ADGRB3: variants seen among roughly 807,000 people sequenced by gnomAD.
ADGRB3 encodes adhesion G protein-coupled receptor B3, also known as brain-specific angiogenesis inhibitor 3.
Under a neutral mutation model 193.4 loss-of-function variants are expected in ADGRB3, and 37 were observed. The observed-to-expected ratio is 0.19, with a 90% CI of 0.15 to 0.25. The LOEUF (loss-of-function observed/expected upper bound fraction) is 0.25, where lower values mean the gene tolerates loss of function less well. ADGRB3 is among the 10% of genes least tolerant of loss of function. The pLI is 1.00. For missense variants in ADGRB3, 1,637 were observed against 1,852.9 expected, an observed-to-expected ratio of 0.88 and a Z score of 2.14; for synonymous variants, 690 against 644.2, an observed-to-expected ratio of 1.07 and a Z score of -1.08.
At chr6:68,872,103 A>G (rs1385823123) in intron 3 of ADGRB3, among the ~76,000 whole-genome samples, 1 of 152,168 alleles carries the variant, frequency 6.6e-6, no homozygotes, top group Non-Finnish European at 1.5e-5. Context: ...ACAGACATGT[A>G]AGACTTTGAG....
At chr6:69,172,438 TC>T (rs1775295204) in intron 17 of ADGRB3, among the ~76,000 whole-genome samples, 1 of 151,040 alleles carries the variant, frequency 6.6e-6, no homozygotes, top group Non-Finnish European at 1.5e-5. Context: ...GGTCAGGAGA[TC>T]AAGACCATAC....
intron 3 of ADGRB3, among the ~76,000 whole-genome samples, chr6:68,764,345 T>TA: frequency 6.6e-6 from 1 of 152,156 alleles, no homozygotes; most frequent in East Asian, 1.9e-4. Flanking sequence ...ATGACTACTA[T>TA]AAAAAATGAA....
intron 26 of ADGRB3, among the ~76,000 whole-genome samples, chr6:69,346,487 A>G (rs1337807628): frequency 1.3e-5 from 2 of 152,218 alleles, no homozygotes; most frequent in East Asian, 3.9e-4. Flanking sequence ...CAGAATCTAC[A>G]AGGAACTTAA....
rs1238026413 is a variant in ADGRB3, at chr6:69,303,359, C to A, written c.2815-21513C>A. On this transcript the variant is annotated intron_variant, in intron 20 of 31. Coordinates refer to ENST00000370598, the MANE Select transcript of ADGRB3 (RefSeq NM_001704.3). The stretch of plus-strand genomic sequence containing the variant: ...ACACCGAGTGTGCCTGCCTCTCCTG[C>A]CTCTCCTTCCACCTCGTCTGCCTCT... Among the ~76,000 whole-genome samples, 4 of 151,838 alleles carry A rather than the reference C, an allele frequency of 2.6e-5. No individual in the cohort carries two copies. The East Asian group carries it at 7.8e-4, about 30-fold the overall frequency.
intron 17 of ADGRB3, among the ~76,000 whole-genome samples, chr6:69,173,103 T>A (rs1471918084): frequency 6.6e-6 from 1 of 152,238 alleles, no homozygotes; most frequent in African/African-American, 2.4e-5. Flanking sequence ...AGTGGTGTGA[T>A]GTCGGCTCAC....
intron 21 of ADGRB3, 108 bp downstream of exon 21, chr6:69,325,130 TC>T (rs1270886088): frequency 7.3e-7 from 1 of 1,364,374 alleles, no homozygotes; most frequent in Non-Finnish European, 9.9e-7. Flanking sequence ...TCTAATTTAA[TC>T]TATGGAAGTG....
At chr6:69,150,348 C>G (rs1774637072) in intron 17 of ADGRB3, among the ~76,000 whole-genome samples, 1 of 152,196 alleles carries the variant, frequency 6.6e-6, no homozygotes, top group Admixed American at 6.5e-5. Context: ...TCTTCCCTCT[C>G]TCTTTTAACA....
intron 3 of ADGRB3, among the ~76,000 whole-genome samples, chr6:68,648,534 C>T (rs2127279470): frequency 6.7e-6 from 1 of 148,494 alleles, no homozygotes; most frequent in African/African-American, 2.5e-5. Flanking sequence ...CTGATGGATC[C>T]AGATTGCAAT....
chr6:68,994,343 A>G (rs1769325406), intron 11 of ADGRB3, among the ~76,000 whole-genome samples: 1 of 152,228 alleles, frequency 6.6e-6, no homozygotes, highest in Non-Finnish European at 1.5e-5. Context: ...CATTAACTGT[A>G]ACATGCAAAA....
At chr6:69,337,495 G>T (rs1023452174) in intron 24 of ADGRB3, among the ~76,000 whole-genome samples, 1 of 152,200 alleles carries the variant, frequency 6.6e-6, no homozygotes, top group East Asian at 1.9e-4. Flanking sequence ...CCACTGTGGA[G>T]AATACTAGGC....
intron 17 of ADGRB3, among the ~76,000 whole-genome samples, chr6:69,218,057 A>C (rs1425041224): frequency 1.7e-4 from 23 of 138,676 alleles, no homozygotes; most frequent in African/African-American, 5.9e-4. Flanking sequence ...AAAAGCCTTA[A>C]CTCCAGCTGA....
chr6:68,689,085 G>A (rs909429370), intron 3 of ADGRB3, among the ~76,000 whole-genome samples: 1 of 152,106 alleles, frequency 6.6e-6, no homozygotes, highest in South Asian at 2.1e-4. Flanking sequence ...TAAGGATAAG[G>A]ACCTTTTACA....
In ADGRB3 at chr6:68,822,460, C is replaced by T. The variant is rs1195308849; in HGVS notation, c.758-108099C>T. 2.0e-5 allele frequency among the ~76,000 whole-genome samples: 3 copies of T among 151,866 alleles called. No homozygotes were observed. The East Asian group carries it at 5.8e-4, about 29-fold the overall frequency. ...CTCATATTTTGTTCCACTTGAAATA[C>T]CTATTATTTTATATATTTGAGATGC... On this transcript the variant is annotated intron_variant, in intron 3 of 31. Transcript: ENST00000370598.
At chr6:68,693,900 T>A (rs1365251149) in intron 3 of ADGRB3, among the ~76,000 whole-genome samples, 1 of 152,046 alleles carries the variant, frequency 6.6e-6, no homozygotes, top group African/African-American at 2.4e-5. Flanking sequence ...ACCAGTTAAC[T>A]GGACCATGGC....
Position 69,018,478 on chromosome 6 carries a change from T to C in ADGRB3, c.2086T>C (p.Tyr696His). The change falls in exon 13 of 32, where the codon TAC becomes CAC. Residue 696 changes from tyrosine (Y) to histidine (H), a missense_variant. This residue lies in a region of ADGRB3 where 641 missense variants were observed against 673.9 expected (regional missense o/e 0.95). Transcript: ENST00000370598. ...GGGGATGATGGACTTTCAGAATTCA[T>C]ACTTAATGACTGGAAATGTAGGTAA... The part of the protein sequence containing the change: ...GMGMMDFQNS[Y>H]LMTGNVVASI... 6.2e-7 allele frequency: 1 copy of C among 1,604,856 alleles called. No homozygotes were observed. Among genetic ancestry groups the C allele is most frequent in the Middle Eastern group, 1.7e-4 (1 of 6,020 alleles).
At chr6:68,885,049 A>G (rs546237361) in intron 3 of ADGRB3, among the ~76,000 whole-genome samples, 1 of 152,284 alleles carries the variant, frequency 6.6e-6, no homozygotes, top group African/African-American at 2.4e-5. Context: ...ACAATAATAA[A>G]CTATAATAAG....
chr6:69,171,842 A>G (rs891581592), intron 17 of ADGRB3, among the ~76,000 whole-genome samples: 6 of 152,160 alleles, frequency 3.9e-5, no homozygotes, highest in Non-Finnish European at 7.3e-5. Context: ...CCCAATATCA[A>G]TTTTTTTCTT....
intron 17 of ADGRB3, among the ~76,000 whole-genome samples, chr6:69,178,048 C>G (rs1317053158): frequency 2.0e-5 from 3 of 152,148 alleles, no homozygotes; most frequent in African/African-American, 7.2e-5. Context: ...TTGAAGTCCC[C>G]TGCTGTTATT....
intron 29 of ADGRB3, among the ~76,000 whole-genome samples, chr6:69,370,802 A>G (rs1769691619): frequency 6.6e-6 from 1 of 151,976 alleles, no homozygotes; most frequent in South Asian, 2.1e-4. Flanking sequence ...TGCTTAATGT[A>G]TACTGACAAA....
Sources: allele counts gnomAD v4.1 joint callset (sites outside exome capture counted in the v4.1 genomes callset), GRCh38; gene constraint gnomAD v4.1.1; regional missense constraint gnomAD v4.1.1; transcripts MANE v1.5; gene names NCBI Gene and HGNC (gene_info 2026-07-23, HGNC 2026-07-21).